PDE11A: variants seen among roughly 807,000 people sequenced by gnomAD.
PDE11A encodes the protein phosphodiesterase 11A, also known as dual 3',5'-cyclic-AMP and -GMP phosphodiesterase 11A.
A neutral mutation model predicts 100.5 loss-of-function variants in PDE11A; 100 were observed. The observed-to-expected ratio is 1.00, with a 90% CI of 0.85 to 1.18. PDE11A has a LOEUF of 1.18. Ranked by LOEUF, PDE11A falls within the 50% of genes most tolerant of loss-of-function variation. The pLI is 0.00. For synonymous variants in PDE11A, 381 were observed against 420.8 expected (o/e 0.91, Z 1.16); for missense variants, 1,141 against 1,152.6 (o/e 0.99, Z 0.15).
intron 2 of PDE11A, among the ~76,000 whole-genome samples, chr2:178,089,746 G>C (rs2087398414): frequency 6.6e-6 from 1 of 152,182 alleles, no homozygotes; most frequent in African/African-American, 2.4e-5. Context: ...GGTTGTTGTA[G>C]ATCAGCAGAG....
At chr2:177,715,306 T>A (rs1247464094) in intron 12 of PDE11A, among the ~76,000 whole-genome samples, 1 of 152,178 alleles carries the variant, frequency 6.6e-6, no homozygotes, top group Non-Finnish European at 1.5e-5. Context: ...TGTTATTTGA[T>A]TTTCTTTCTT....
intron 2 of PDE11A, among the ~76,000 whole-genome samples, chr2:177,934,385 T>TG (rs2085247530): frequency 6.6e-6 from 1 of 152,130 alleles, no homozygotes; most frequent in African/African-American, 2.4e-5. Context: ...TGTAAAAAAA[T>TG]GCTCCACATT....
chr2:177,663,772 T>C, intron 19 of PDE11A, 94 bp downstream of exon 19: 1 of 793,474 alleles, frequency 1.3e-6, no homozygotes, highest in African/African-American at 1.7e-5. Context: ...GTGCATACCC[T>C]GGAAATGTCT....
At chr2:177,629,700 G>A in intron 19 of PDE11A, 138 bp from the exon 20 acceptor site, 1 of 859,540 alleles carries the variant, frequency 1.2e-6, no homozygotes, top group Non-Finnish European at 1.9e-6. Flanking sequence ...GTAAACAAGA[G>A]CTATTTACAA....
At chr2:177,820,718 T>A (rs2083124648) in intron 6 of PDE11A, among the ~76,000 whole-genome samples, 1 of 151,986 alleles carries the variant, frequency 6.6e-6, no homozygotes, top group African/African-American at 2.4e-5. Flanking sequence ...TTTGTGCCTA[T>A]AATGCTGTCA....
intron 4 of PDE11A, among the ~76,000 whole-genome samples, chr2:177,887,255 T>C (rs2084450526): frequency 6.6e-6 from 1 of 152,046 alleles, no homozygotes; most frequent in African/African-American, 2.4e-5. Flanking sequence ...AACACATAAT[T>C]AATACAAACA....
chr2:177,884,006 C>G (rs1391315808), intron 4 of PDE11A, among the ~76,000 whole-genome samples: 1 of 152,202 alleles, frequency 6.6e-6, no homozygotes, highest in Non-Finnish European at 1.5e-5. Context: ...TTCTATTTGT[C>G]AAACCCAACT....
chr2:177,997,601 G>T, intron 2 of PDE11A: 2 of 1,031,792 alleles, frequency 1.9e-6, no homozygotes, highest in Non-Finnish European at 3.1e-6. Context: ...GCTAAGTGAA[G>T]TTGTCTGATA....
chr2:177,938,375 G>A (rs1272462263), intron 2 of PDE11A, among the ~76,000 whole-genome samples: 1 of 152,162 alleles, frequency 6.6e-6, no homozygotes, highest in African/African-American at 2.4e-5. Flanking sequence ...GCTCTGCCAT[G>A]CCTACCAGTC....
intron 19 of PDE11A, among the ~76,000 whole-genome samples, chr2:177,632,696 C>G (rs2079970943): frequency 1.3e-5 from 2 of 152,180 alleles, no homozygotes; most frequent in Non-Finnish European, 2.9e-5. Context: ...ATTCCTAATG[C>G]AGTATTTCAC....
intron 1 of PDE11A, among the ~76,000 whole-genome samples, chr2:178,026,010 A>G (rs1426080559): frequency 6.6e-6 from 1 of 152,244 alleles, no homozygotes; most frequent in Non-Finnish European, 1.5e-5. Flanking sequence ...AGGGCAAGCC[A>G]AGGTCAAGAC....
intron 1 of PDE11A, among the ~76,000 whole-genome samples, chr2:178,053,539 A>G (rs80228458): frequency 0.12 from 18,955 of 152,138 alleles, 1,406 homozygotes; most frequent in Non-Finnish European, 0.16. Flanking sequence ...GAAAGAAATA[A>G]AGGGTATTCA....
At chr2:177,778,210 TG>T (rs1363615073) in intron 9 of PDE11A, among the ~76,000 whole-genome samples, 3 of 152,230 alleles carry the variant, frequency 2.0e-5, no homozygotes, top group African/African-American at 7.2e-5. Context: ...GATCAAGCCT[TG>T]CCATTCTCTA....
intron 9 of PDE11A, among the ~76,000 whole-genome samples, chr2:177,805,377 T>C (rs1009777262): frequency 6.6e-6 from 1 of 151,976 alleles, no homozygotes; most frequent in Non-Finnish European, 1.5e-5. Context: ...AAGGCAGAAA[T>C]AAACCTGCTT....
chr2:177,740,815 G>A (rs2081861079), intron 10 of PDE11A, among the ~76,000 whole-genome samples: 1 of 152,194 alleles, frequency 6.6e-6, no homozygotes, highest in East Asian at 1.9e-4. Flanking sequence ...CATAAGGAAA[G>A]GATTCAGATT....
chr2:178,064,853 T>A (rs535773164), intron 1 of PDE11A, among the ~76,000 whole-genome samples: 49 of 152,090 alleles, frequency 3.2e-4, no homozygotes, highest in Non-Finnish European at 5.9e-4. Context: ...CCTTTTTTTT[T>A]CTTCAGGAAA....
intron 6 of PDE11A, among the ~76,000 whole-genome samples, chr2:177,833,231 A>G (rs2083339354): frequency 6.6e-6 from 1 of 152,156 alleles, no homozygotes; most frequent in Non-Finnish European, 1.5e-5. Context: ...CTCTTATCAT[A>G]CTGCTGGGTC....
intron 19 of PDE11A, among the ~76,000 whole-genome samples, chr2:177,637,159 C>T (rs773697468): frequency 8.5e-5 from 13 of 152,212 alleles, no homozygotes; most frequent in Non-Finnish European, 1.6e-4. Context: ...AGCAGTCCCA[C>T]GAAGTAGGTA....
At chr2:177,881,332 C>CATCT (rs1553485618) in intron 4 of PDE11A, among the ~76,000 whole-genome samples, 9 of 139,724 alleles carry the variant, frequency 6.4e-5, no homozygotes, top group Non-Finnish European at 9.4e-5. Context: ...ATCTATCTAT[C>CATCT]ATCTATCTGT....
Sources: allele counts gnomAD v4.1 joint callset (sites outside exome capture counted in the v4.1 genomes callset), GRCh38; gene constraint gnomAD v4.1.1; transcripts MANE v1.5; gene names NCBI Gene and HGNC (gene_info 2026-07-23, HGNC 2026-07-21).